Variants in PCLAF observed in about 807,000 individuals in gnomAD.
PCLAF encodes PCNA clamp associated factor.
Under a neutral mutation model 15.1 loss-of-function variants are expected in PCLAF, and 12 were observed. That is an observed-to-expected ratio of 0.79 (90% CI 0.51 to 1.29). The LOEUF (loss-of-function observed/expected upper bound fraction) is 1.29. Ranked by LOEUF, PCLAF falls within the 50% of genes most tolerant of loss-of-function variation. The probability of loss-of-function intolerance (pLI) is 0.00; values close to 1 mark genes in which losing one functional copy is unlikely to be tolerated. For missense variants in PCLAF, 116 were observed against 130.9 expected, an observed-to-expected ratio of 0.89 and a Z score of 0.56; for synonymous variants, 33 against 47.1, an observed-to-expected ratio of 0.70 and a Z score of 1.22.
Position 64,376,850 on chromosome 15 carries a change from C to T in PCLAF, c.183G>A (p.Trp61Ter). 1 of 1,613,812 alleles carries T rather than the reference C, an allele frequency of 6.2e-7. No individual in the cohort carries two copies. Among genetic ancestry groups the T allele is most frequent in the Non-Finnish European group, 8.5e-7 (1 of 1,179,856 alleles). The change falls in exon 3 of 4, where the codon TGG (tryptophan) becomes TGA (stop). Residue 61 changes from tryptophan to a stop codon, truncating the protein, a stop_gained. Coordinates refer to ENST00000300035, the MANE Select transcript of PCLAF (RefSeq NM_014736.6). LOFTEE classifies it high-confidence loss of function. ...NPVCVRPTPKWQKGIGEFFRL... is the reference protein window; with the variant it reads ...NPVCVRPTPK Reference sequence around the variant, plus strand: ...TAAAGAATTCTCCAATTCCTTTTTGCCACTTGGGAGTTGGGCGCACGCAAA... The same window carrying T: ...TAAAGAATTCTCCAATTCCTTTTTGTCACTTGGGAGTTGGGCGCACGCAAA...
At chr15:64,373,517 A>G (rs933763308) in intron 3 of PCLAF, 3 of 1,044,994 alleles carry the variant, frequency 2.9e-6, no homozygotes, top group Non-Finnish European at 3.8e-6. Context: ...GAGATGTAGA[A>G]GGGCAAGCAA....
In PCLAF at chr15:64,365,297, C is replaced by G. The variant is rs6494476; in HGVS notation, c.*733G>C. On this transcript the variant is annotated 3_prime_UTR_variant, in exon 4 of 4. Coordinates refer to ENST00000300035, the MANE Select transcript of PCLAF (RefSeq NM_014736.6). ...GATTACAGGCGTGAGCCACCGCACC[C>G]GGCTAAAAATTGTTTTAGAGATAGG... 3 of 152,398 alleles carry G rather than the reference C, an allele frequency of 2.0e-5. No individual in the cohort carries two copies. Among genetic ancestry groups the G allele is most frequent in the African/African-American group, 7.2e-5 (3 of 41,404 alleles). 9.4% of individuals were successfully genotyped at this position (152,398 alleles called of 1,614,324 possible).
intron 1 of PCLAF, 87 bp from the exon 2 acceptor site, chr15:64,381,125 G>A: frequency 7.4e-7 from 1 of 1,353,104 alleles, no homozygotes; most frequent in Non-Finnish European, 1.1e-6. Context: ...GGAGAGGAGA[G>A]CCTGGCGATC....
intron 3 of PCLAF, among the ~76,000 whole-genome samples, chr15:64,372,646 T>A (rs958164254): frequency 6.6e-6 from 1 of 150,550 alleles, no homozygotes; most frequent in Non-Finnish European, 1.5e-5. Flanking sequence ...GAAAGTCAAA[T>A]GCAATGGCAA....
rs1205999185 is a variant in PCLAF, at chr15:64,377,486, AAAATATATATATATATATATATATATAT to A, written c.128-609_128-582del. On this transcript the variant is annotated intron_variant, in intron 2 of 3. Transcript: ENST00000300035. ...ACTCTGTCTCAAAAAAAAAAAAAAA[AAAATATATATATATATATATATATATAT>A]ATATATATATATATATATATATATT... is the stretch of plus-strand genomic sequence containing the variant. Among the ~76,000 whole-genome samples, 62 of 40,812 alleles carry A rather than the reference AAAATATATATATATATATATATATATAT, an allele frequency of 1.5e-3. 5 individuals carry two copies. Among genetic ancestry groups the A allele is most frequent in the African/African-American group, 5.0e-3 (56 of 11,186 alleles). 26.8% of individuals were successfully genotyped at this position (40,812 alleles called of 152,430 possible). A position where few individuals can be genotyped will look rare whatever the true frequency, so the allele number is the denominator to read the frequency against.
chr15:64,376,615 C>T (rs1899609646), intron 3 of PCLAF, 128 bp downstream of exon 3: 2 of 642,778 alleles, frequency 3.1e-6, no homozygotes, highest in African/African-American at 1.8e-5. Flanking sequence ...GACAGGGTTC[C>T]ACCATGTTGG....
In PCLAF at chr15:64,381,333, G is replaced by T. The variant is rs1899812058; in HGVS notation, c.39C>A (p.Tyr13Ter). The change falls in exon 1 of 4, where the codon TAC (tyrosine) becomes TAA (stop). Residue 13 changes from tyrosine (Y) to a stop codon, truncating the protein, a stop_gained. Transcript: ENST00000300035. LOFTEE classifies it high-confidence loss of function. ...CACACTCGATCGCCTCACCTTTTCTGTAAGTGCCTGGAACACTGTCTGCTT... is the reference window on the plus strand; with the variant it reads ...CACACTCGATCGCCTCACCTTTTCTTTAAGTGCCTGGAACACTGTCTGCTT... ...RTKADSVPGTYRKVVAARAPR... is the reference protein window; with the variant it reads ...RTKADSVPGT The T allele has an allele frequency of 1.2e-6, 2 of 1,614,048 alleles. No individual in the cohort carries two copies. The highest frequency in any genetic ancestry group is 2.7e-5 in the African/African-American group (2 of 74,922).
upstream of PCLAF, among the ~76,000 whole-genome samples, chr15:64,383,357 T>C (rs1596329173): frequency 6.6e-6 from 1 of 151,492 alleles, no homozygotes; most frequent in Non-Finnish European, 1.5e-5. Flanking sequence ...GCACAGTGGT[T>C]TTTTTGTGTG....
At chr15:64,382,650 G>C (rs1596328945), upstream of PCLAF, 1 of 155,538 alleles carries the variant, frequency 6.4e-6, no homozygotes, top group South Asian at 1.7e-4. Flanking sequence ...ACACCCCTGG[G>C]GAGTGATTTT....
At chr15:64,381,605 T>C (rs928713775), upstream of PCLAF, 1 of 1,278,146 alleles carries the variant, frequency 7.8e-7, no homozygotes. Flanking sequence ...AATCCGTCCA[T>C]CAACACGCAA....
At chr15:64,373,768 G>C (rs745472303) in intron 3 of PCLAF, 2 of 1,535,670 alleles carry the variant, frequency 1.3e-6, no homozygotes, top group Non-Finnish European at 1.7e-6. Context: ...CTCCTGGCTG[G>C]TGCAGGGGAG....
At chr15:64,372,637 A>G (rs1307337512) in intron 3 of PCLAF, among the ~76,000 whole-genome samples, 1 of 150,640 alleles carries the variant, frequency 6.6e-6, no homozygotes, top group African/African-American at 2.4e-5. Context: ...AAAAGAAAAG[A>G]AAGTCAAATG....
intron 3 of PCLAF, among the ~76,000 whole-genome samples, chr15:64,371,852 C>T (rs1484826915): frequency 6.6e-6 from 1 of 152,126 alleles, no homozygotes; most frequent in Non-Finnish European, 1.5e-5. Context: ...CCACCTTGGC[C>T]TCCCAAAGTG....
At chr15:64,387,210 C>T (rs1208602594) in intron 1 of PCLAF, among the ~76,000 whole-genome samples, 1 of 151,806 alleles carries the variant, frequency 6.6e-6, no homozygotes, top group South Asian at 2.1e-4. Flanking sequence ...GAAACCGCGT[C>T]GCTACTAAAA....
At chr15:64,379,331 G>A (rs1899737712) in intron 2 of PCLAF, among the ~76,000 whole-genome samples, 2 of 151,990 alleles carry the variant, frequency 1.3e-5, no homozygotes, top group African/African-American at 4.8e-5. Context: ...ACAAAAATTA[G>A]GCGGGCGTGT....
chr15:64,371,239 A>C lies in PCLAF; in HGVS notation c.291-5164T>G, dbSNP rs1376249181. ...CACCTCGGCCTCCCAAAGTGCTGGG[A>C]TTACAGGCGTGAGCCACTGCACTTG... On this transcript the variant is annotated intron_variant, in intron 3 of 3. Transcript: ENST00000300035. Among the ~76,000 whole-genome samples, 3 of 149,128 alleles carry C rather than the reference A, an allele frequency of 2.0e-5. No homozygotes were observed. The South Asian group carries it at 6.4e-4, about 32-fold the overall frequency.
chr15:64,366,129 A>C, intron 3 of PCLAF, 54 bp from the exon 4 acceptor site: 1 of 1,367,432 alleles, frequency 7.3e-7, no homozygotes, highest in Non-Finnish European at 1.0e-6. Flanking sequence ...CTGTTTGAAA[A>C]AAATAGTTAC....
intron 1 of PCLAF, among the ~76,000 whole-genome samples, chr15:64,386,619 A>AGTGT (rs35727456): frequency 0.037 from 5,434 of 146,350 alleles, 336 homozygotes; most frequent in African/African-American, 0.12. Context: ...CACCACGCCC[A>AGTGT]GTGTGTGTGT....
chr15:64,370,825 AGTTGT>A, intron 3 of PCLAF, among the ~76,000 whole-genome samples: 1 of 107,720 alleles, frequency 9.3e-6, no homozygotes. Flanking sequence ...AGACTCATAA[AGTTGT>A]TTTTTTTTTT....
Sources: allele counts gnomAD v4.1 joint callset (sites outside exome capture counted in the v4.1 genomes callset), GRCh38; gene constraint gnomAD v4.1.1; transcripts MANE v1.5; gene names NCBI Gene and HGNC (gene_info 2026-07-23, HGNC 2026-07-21).